The following PIKFYVE variants were observed in gnomAD, a reference collection of about 807,000 sequenced individuals.
PIKFYVE encodes phosphoinositide kinase, FYVE-type zinc finger containing.
PIKFYVE carries 122 observed loss-of-function variants against 257.9 expected under a neutral mutation model. The observed-to-expected ratio is 0.47, with a 90% confidence interval of 0.41 to 0.55. PIKFYVE has a LOEUF of 0.55. Among genes scored for constraint, PIKFYVE ranks in the 20% least tolerant of loss-of-function variants. PIKFYVE has a pLI of 0.00. For synonymous variants in PIKFYVE, 892 were observed against 868.9 expected (o/e 1.03, Z -0.47); for missense variants, 2,160 against 2,536.6 (o/e 0.85, Z 3.19).
intron 17 of PIKFYVE, among the ~76,000 whole-genome samples, chr2:208,321,608 G>C (rs182040607): frequency 1.6e-5 from 2 of 123,922 alleles, no homozygotes; most frequent in Non-Finnish European, 3.2e-5. Flanking sequence ...ACGAAGTCTC[G>C]CTCTTGTCCC....
At chr2:208,301,214 T>A in intron 9 of PIKFYVE, 120 bp downstream of exon 9, 3 of 1,295,200 alleles carry the variant, frequency 2.3e-6, no homozygotes, top group Non-Finnish European at 2.2e-6. Flanking sequence ...TTTTATGTAA[T>A]TGATGGTTTA....
Position 208,302,293 on chromosome 2 carries a change from T to C in PIKFYVE, c.1260T>C (p.Asp420=). The C allele has an allele frequency of 1.9e-6, 3 of 1,614,172 alleles. No individual in the cohort carries two copies. The highest frequency in any genetic ancestry group is 2.5e-6 in the Non-Finnish European group (3 of 1,180,006). ...CAATGGTTGATGGACGTTGGCTGGA[T>C]TGTGTTAGTCATCACGACCAGCTTT... ...GQAMVDGRWL[D]CVSHHDQLFR... is the part of the protein sequence containing the mutation. Residue 420 remains aspartate, a synonymous_variant, in exon 10 of 42, where the codon GAT becomes GAC. Coordinates refer to ENST00000264380, the MANE Select transcript of PIKFYVE (RefSeq NM_015040.4).
intron 38 of PIKFYVE, 140 bp from the exon 39 acceptor site, chr2:208,352,514 G>C (rs992062049): frequency 9.3e-6 from 8 of 862,990 alleles, no homozygotes; most frequent in Non-Finnish European, 1.4e-5. Flanking sequence ...TGAGATTCAA[G>C]AGTTTGAGTT....
chr2:208,302,644 G>T, intron 10 of PIKFYVE: 1 of 381,444 alleles, frequency 2.6e-6, no homozygotes. Context: ...TTGGGTTTAT[G>T]GTCTTTATAG....
At chr2:208,273,900 G>C (rs541367123) in intron 3 of PIKFYVE, 167 bp downstream of exon 3, 4 of 1,361,066 alleles carry the variant, frequency 2.9e-6, no homozygotes, top group African/African-American at 2.9e-5. Flanking sequence ...CTCTTACCTC[G>C]GTAGTGAAAG....
intron 7 of PIKFYVE, among the ~76,000 whole-genome samples, chr2:208,291,396 G>A (rs1173365447): frequency 6.6e-6 from 1 of 152,028 alleles, no homozygotes; most frequent in Non-Finnish European, 1.5e-5. Context: ...GATTGGATTT[G>A]TTACTGTTTT....
chr2:208,355,094 T>C, intron 41 of PIKFYVE, 96 bp from the exon 42 acceptor site: 2 of 931,900 alleles, frequency 2.1e-6, no homozygotes, highest in Non-Finnish European at 3.5e-6. Context: ...TGTGTATCTT[T>C]ATGGCAGTTT....
chr2:208,289,491 G>A (rs1692013219), intron 7 of PIKFYVE, among the ~76,000 whole-genome samples: 3 of 152,030 alleles, frequency 2.0e-5, no homozygotes, highest in African/African-American at 4.8e-5. Flanking sequence ...GTGCGGTGGT[G>A]TGATCTCAGC....
rs1424953859 is a variant in PIKFYVE at position 208,304,167 on chromosome 2, T to C, written c.1321-4T>C. On this transcript the variant is annotated splice_polypyrimidine_tract_variant and splice_region_variant and intron_variant, in intron 10 of 41. Transcript: ENST00000264380. ...TTGCTTGGATCCTGTCTTCATCCTT[T>C]CAGAGTACAGAATTTTCTGAGACGC... The C allele has an allele frequency of 1.9e-6, 3 of 1,614,130 alleles. No individual in the cohort carries two copies.
At chr2:208,293,518 TCTC>T (rs1456992796) in intron 7 of PIKFYVE, among the ~76,000 whole-genome samples, 8 of 152,294 alleles carry the variant, frequency 5.3e-5, no homozygotes, top group Admixed American at 4.6e-4. Context: ...AGGCTTTACT[TCTC>T]CTTCACTTTT....
intron 36 of PIKFYVE, 42 bp downstream of exon 36, chr2:208,350,125 T>TA (rs1395853882): frequency 1.9e-6 from 3 of 1,608,194 alleles, no homozygotes; most frequent in Non-Finnish European, 2.5e-6. Flanking sequence ...GGAGAGGGAC[T>TA]ACAGTTGAGC....
intron 28 of PIKFYVE, 100 bp from the exon 29 acceptor site, chr2:208,338,408 G>A: frequency 2.0e-6 from 2 of 983,066 alleles, no homozygotes; most frequent in Non-Finnish European, 3.2e-6. Flanking sequence ...CGGTATAAAT[G>A]GGTCCTGAGA....
At position 208,351,434 on chromosome 2, in the gene PIKFYVE, T is replaced by C; in HGVS notation, c.5694T>C (p.Ile1898=). ...TTGCACCACATTACTTCAATTATAT[T>C]ACAAATGCTGTTCAACAAAAGGTAG... ...LDFAPHYFNY[I]TNAVQQKRPT... The change falls in exon 38 of 42, where the codon ATT becomes ATC. Residue 1898 remains isoleucine, a synonymous_variant. Transcript: ENST00000264380. The C allele has an allele frequency of 3.1e-6, 5 of 1,611,462 alleles. No homozygotes were observed. The highest frequency in any genetic ancestry group is 4.2e-6 in the Non-Finnish European group (5 of 1,177,558).
chr2:208,295,123 T>C (rs1327013525), intron 7 of PIKFYVE, among the ~76,000 whole-genome samples: 1 of 152,252 alleles, frequency 6.6e-6, no homozygotes, highest in Non-Finnish European at 1.5e-5. Context: ...TATCTGCTTG[T>C]CTGTCTGCAG....
At chr2:208,284,856 A>T (rs1272084204) in intron 5 of PIKFYVE, among the ~76,000 whole-genome samples, 1 of 151,836 alleles carries the variant, frequency 6.6e-6, no homozygotes, top group Non-Finnish European at 1.5e-5. Flanking sequence ...TTGTATAGAG[A>T]CAGGGTCTCG....
chr2:208,335,186 G>T, intron 24 of PIKFYVE, 120 bp from the exon 25 acceptor site: 1 of 726,428 alleles, frequency 1.4e-6, no homozygotes. Context: ...TTTAAAATAC[G>T]ATTTTATAGA....
chr2:208,312,303 T>C lies in PIKFYVE; in HGVS notation c.1696+8T>C. 1 of 1,597,948 alleles carries C rather than the reference T, an allele frequency of 6.3e-7. No homozygotes were observed. The highest frequency in any genetic ancestry group is 8.6e-7 in the Non-Finnish European group (1 of 1,167,664). On this transcript the variant is annotated splice_region_variant and intron_variant, in intron 13 of 41. Transcript: ENST00000264380. ...GTGACGCTTTCATCAAAGGTAATTT[T>C]ATAAAAAGCTGTATGTGGAATGGTG...
chr2:208,308,836 T>A (rs1167204679), intron 12 of PIKFYVE, among the ~76,000 whole-genome samples: 9 of 152,008 alleles, frequency 5.9e-5, no homozygotes, highest in African/African-American at 2.2e-4. Flanking sequence ...GCCTCCCAAG[T>A]AGCTGGGATT....
chr2:208,323,082 T>A (rs983861006), intron 17 of PIKFYVE, among the ~76,000 whole-genome samples: 2 of 149,976 alleles, frequency 1.3e-5, no homozygotes, highest in African/African-American at 4.9e-5. Context: ...CATTTTCTTT[T>A]TTATTTTTAT....
Sources: allele counts gnomAD v4.1 joint callset (sites outside exome capture counted in the v4.1 genomes callset), GRCh38; gene constraint gnomAD v4.1.1; transcripts MANE v1.5; gene names NCBI Gene and HGNC (gene_info 2026-07-23, HGNC 2026-07-21).